The following TBC1D19 variants were observed in gnomAD, a reference collection of about 807,000 sequenced individuals.
TBC1D19 encodes TBC1 domain family, member 19.
A neutral mutation model predicts 89.0 loss-of-function variants in TBC1D19; 60 were observed. The observed-to-expected ratio is 0.67, with a 90% CI of 0.55 to 0.84. The LOEUF is 0.84. Ranked by LOEUF, TBC1D19 falls within the 40% of genes least tolerant of loss-of-function variation. The pLI is 0.00. For synonymous variants in TBC1D19, 189 were observed against 199.7 expected (o/e 0.95, Z 0.45); for missense variants, 500 against 610.8 (o/e 0.82, Z 1.91).
intron 11 of TBC1D19, among the ~76,000 whole-genome samples, chr4:26,674,463 G>A (rs182987739): frequency 5.0e-4 from 76 of 152,102 alleles, no homozygotes; most frequent in African/African-American, 1.8e-3. Context: ...TCTTAGTGGG[G>A]ATTTTTTTGT....
At chr4:26,702,005 G>A (rs190835169) in intron 13 of TBC1D19, among the ~76,000 whole-genome samples, 4 of 152,280 alleles carry the variant, frequency 2.6e-5, no homozygotes, top group African/African-American at 9.6e-5. Context: ...CCAGAGATAA[G>A]AGGATTGCCA....
chr4:26,714,415 A>G (rs1716436039), intron 13 of TBC1D19, among the ~76,000 whole-genome samples: 2 of 152,050 alleles, frequency 1.3e-5, no homozygotes, highest in Non-Finnish European at 2.9e-5. Context: ...ACTCTCGTCA[A>G]GGTCATCAAG....
intron 15 of TBC1D19, among the ~76,000 whole-genome samples, chr4:26,734,604 C>T (rs757544632): frequency 2.6e-5 from 4 of 152,028 alleles, no homozygotes; most frequent in Non-Finnish European, 4.4e-5. Context: ...GAATTTGTAT[C>T]GTATTTCTGC....
the TBC1D19 span, among the ~76,000 whole-genome samples, chr4:26,854,301 G>A: frequency 4.6e-5 from 7 of 151,488 alleles, no homozygotes; most frequent in Admixed American, 1.3e-4. Flanking sequence ...TGAGCTCCTT[G>A]GATTCTGGAC....
At chr4:26,801,050 G>T in the TBC1D19 span, among the ~76,000 whole-genome samples, 1 of 152,304 alleles carries the variant, frequency 6.6e-6, no homozygotes, top group South Asian at 2.1e-4. Flanking sequence ...TGTTGCCATT[G>T]CTTTTGGTGT....
At chr4:26,758,200 T>C (rs1719340271), downstream of TBC1D19, among the ~76,000 whole-genome samples, 2 of 152,308 alleles carry the variant, frequency 1.3e-5, no homozygotes, top group South Asian at 4.1e-4. Flanking sequence ...TATTAAGTGA[T>C]AGCTTTTTGG....
chr4:26,579,778 TGTTA>T (rs1456333474), upstream of TBC1D19, among the ~76,000 whole-genome samples: 3 of 151,700 alleles, frequency 2.0e-5, no homozygotes, highest in African/African-American at 7.3e-5. Context: ...TCTGTTCCTG[TGTTA>T]GTTTGCTGAA....
chr4:26,605,558 A>G (rs1407053476), intron 1 of TBC1D19, among the ~76,000 whole-genome samples: 1 of 151,964 alleles, frequency 6.6e-6, no homozygotes, highest in Non-Finnish European at 1.5e-5. Flanking sequence ...TAATCCTTTG[A>G]GTATATACCC....
intron 14 of TBC1D19, among the ~76,000 whole-genome samples, chr4:26,719,659 C>T (rs942167754): frequency 1.3e-5 from 2 of 152,120 alleles, no homozygotes; most frequent in Non-Finnish European, 2.9e-5. Flanking sequence ...GACCACCATA[C>T]AGCTAGTCAT....
At position 26,590,378 on chromosome 4, in the gene TBC1D19, C is replaced by T. The variant is rs533747649; in HGVS notation, c.99+6086C>T. On this transcript the variant is annotated intron_variant, in intron 1 of 20. Transcript: ENST00000264866. ...TAGGGTATAAATATTGCTATAATGT[C>T]GTGAGAATGATTGGTATGTAATTTT... Among the ~76,000 whole-genome samples the T allele has an allele frequency of 1.4e-4, 22 of 152,218 alleles. No individual in the cohort carries two copies. In the South Asian group the frequency reaches 1.9e-3, roughly 13 times the overall value.
chr4:26,658,019 C>T (rs993937915), intron 7 of TBC1D19, among the ~76,000 whole-genome samples: 2 of 152,126 alleles, frequency 1.3e-5, no homozygotes, highest in Non-Finnish European at 2.9e-5. Context: ...CAAAATTTTT[C>T]TCCCATTCTG....
the TBC1D19 span, among the ~76,000 whole-genome samples, chr4:26,767,099 G>GT: frequency 6.6e-6 from 1 of 152,094 alleles, no homozygotes; most frequent in African/African-American, 2.4e-5. Context: ...GAGCCCAGGA[G>GT]TTCAAGGCTG....
chr4:26,820,473 G>A, the TBC1D19 span, among the ~76,000 whole-genome samples: 1 of 152,114 alleles, frequency 6.6e-6, no homozygotes, highest in Non-Finnish European at 1.5e-5. Flanking sequence ...GACTTATTTC[G>A]ACCAAGCATA....
chr4:26,588,755 A>G (rs190020645), intron 1 of TBC1D19, among the ~76,000 whole-genome samples: 1 of 152,344 alleles, frequency 6.6e-6, no homozygotes, highest in Non-Finnish European at 1.5e-5. Flanking sequence ...AGAATAAAAT[A>G]TGTATGATTT....
intron 4 of TBC1D19, among the ~76,000 whole-genome samples, chr4:26,634,508 G>C (rs1452671078): frequency 6.6e-6 from 1 of 152,118 alleles, no homozygotes; most frequent in East Asian, 1.9e-4. Flanking sequence ...TCAATAGCAA[G>C]AGGAGGTGGC....
intron 1 of TBC1D19, among the ~76,000 whole-genome samples, chr4:26,594,979 G>T (rs1195310105): frequency 6.6e-6 from 1 of 152,228 alleles, no homozygotes; most frequent in East Asian, 1.9e-4. Context: ...TTGATAGATT[G>T]CGTGGTAAGA....
chr4:26,708,617 T>A (rs1318296429), intron 13 of TBC1D19, among the ~76,000 whole-genome samples: 5 of 152,010 alleles, frequency 3.3e-5, no homozygotes, highest in African/African-American at 1.2e-4. Context: ...ATCGGTTGGC[T>A]TGATGGTGTC....
intron 14 of TBC1D19, among the ~76,000 whole-genome samples, 180 bp from the exon 15 acceptor site, chr4:26,719,900 AG>A (rs1391180299): frequency 6.6e-6 from 1 of 152,118 alleles, no homozygotes; most frequent in East Asian, 1.9e-4. Flanking sequence ...AATTGATGAA[AG>A]GGTTTGCTAA....
At chr4:26,757,906 G>A (rs1290467220), downstream of TBC1D19, among the ~76,000 whole-genome samples, 1 of 152,102 alleles carries the variant, frequency 6.6e-6, no homozygotes, top group East Asian at 1.9e-4. Flanking sequence ...ATAAAAGCTG[G>A]GCTCTGTAGC....
Sources: allele counts gnomAD v4.1 joint callset (sites outside exome capture counted in the v4.1 genomes callset), GRCh38; gene constraint gnomAD v4.1.1; transcripts MANE v1.5; gene names NCBI Gene and HGNC (gene_info 2026-07-23, HGNC 2026-07-21).